Variants in SCIN observed in about 807,000 individuals in gnomAD.
SCIN encodes the protein adseverin.
In SCIN, 91 loss-of-function variants were observed where a neutral mutation model predicts 91.8. The observed-to-expected ratio is 0.99, with a 90% CI of 0.84 to 1.18. SCIN has a LOEUF of 1.18. SCIN is among the 50% of genes most tolerant of loss of function. The pLI is 0.00. For synonymous variants in SCIN, 367 were observed against 312.6 expected (o/e 1.17, Z -1.84); for missense variants, 1,087 against 863.9 (o/e 1.26, Z -3.24).
At chr7:12,616,005 A>G (rs1583301249) in intron 4 of SCIN, among the ~76,000 whole-genome samples, 2 of 152,264 alleles carry the variant, frequency 1.3e-5, no homozygotes, top group Middle Eastern at 6.8e-3. Context: ...GTATATGTAT[A>G]TGGTGATACA....
chr7:12,589,812 C>T (rs1782680416), intron 3 of SCIN, among the ~76,000 whole-genome samples: 1 of 152,060 alleles, frequency 6.6e-6, no homozygotes, highest in South Asian at 2.1e-4. Flanking sequence ...ATTCTCCTAG[C>T]TGAGAGTTAG....
chr7:12,629,427 A>G (rs1226752607), intron 9 of SCIN, among the ~76,000 whole-genome samples: 1 of 152,158 alleles, frequency 6.6e-6, no homozygotes, highest in Non-Finnish European at 1.5e-5. Flanking sequence ...CATAAAGATC[A>G]TGCTATCTAG....
chr7:12,632,079 T>TTTTCA (rs955763307), intron 9 of SCIN, among the ~76,000 whole-genome samples: 40 of 135,004 alleles, frequency 3.0e-4, no homozygotes, highest in Non-Finnish European at 5.0e-5. Context: ...ATATGATTGG[T>TTTTCA]TTTCATTTTA....
chr7:12,640,826 G>T (rs571701299), intron 11 of SCIN, among the ~76,000 whole-genome samples: 4 of 152,296 alleles, frequency 2.6e-5, no homozygotes, highest in African/African-American at 9.6e-5. Context: ...GCCTTAGGTG[G>T]ATAGATCATG....
intron 5 of SCIN, 132 bp from the exon 6 acceptor site, chr7:12,624,878 A>G (rs981142507): frequency 2.5e-6 from 2 of 792,444 alleles, no homozygotes; most frequent in East Asian, 3.0e-5. Context: ...AAATTCTTGC[A>G]TTTAAAGTGT....
rs930829838 is a variant in SCIN at position 12,628,990 on chromosome 7, A to T, written c.1198-111A>T. ...TGATTTGTAAACTAGTTAATAAATA[A>T]TTTAAAAGTTGTTTAATAATGGATT... On this transcript the variant is annotated intron_variant, in intron 8 of 15. Transcript: ENST00000297029. The T allele has an allele frequency of 1.1e-5, 10 of 917,318 alleles. No individual in the cohort carries two copies. The African/African-American group carries it at 1.5e-4, about 14-fold the overall frequency. 56.8% of individuals were successfully genotyped at this position (917,318 alleles called of 1,614,324 possible). A position where few individuals can be genotyped will look rare whatever the true frequency, so the allele number is the denominator to read the frequency against.
At chr7:12,580,912 T>G (rs2115211031) in intron 2 of SCIN, 148 bp from the exon 3 acceptor site, 1 of 655,672 alleles carries the variant, frequency 1.5e-6, no homozygotes. Context: ...TCTCTTGTTT[T>G]ATGGAATAGG....
Position 12,629,160 on chromosome 7 carries a change from C to A in SCIN, c.1257C>A (p.Phe419Leu), listed in dbSNP as rs1223446758. The A allele has an allele frequency of 3.1e-6, 5 of 1,613,190 alleles. No individual in the cohort carries two copies. Among genetic ancestry groups the A allele is most frequent in the Admixed American group, 1.7e-5 (1 of 59,980 alleles). Residue 419 changes from phenylalanine to leucine, a missense_variant, in exon 9 of 16, where the codon TTC becomes TTA. By Grantham distance (22) the Phe-to-Leu change is conservative (BLOSUM62 0). Coordinates refer to ENST00000297029, the MANE Select transcript of SCIN (RefSeq NM_001112706.3). Reference sequence around the variant, plus strand: ...TTGACCAAAACTCATATGGTGAATTCTATGGTGGTGACTGCTACATCATAC... The same window carrying A: ...TTGACCAAAACTCATATGGTGAATTATATGGTGGTGACTGCTACATCATAC... ...IQVDQNSYGE[F>L]YGGDCYIILY...
chr7:12,644,769 A>G, intron 13 of SCIN, 64 bp downstream of exon 13: 1 of 1,504,374 alleles, frequency 6.6e-7, no homozygotes, highest in South Asian at 1.2e-5. Flanking sequence ...TAATCCCAGC[A>G]CTTTGGGAGG....
chr7:12,593,780 T>A (rs1450270639), intron 3 of SCIN, among the ~76,000 whole-genome samples: 1 of 152,148 alleles, frequency 6.6e-6, no homozygotes, highest in African/African-American at 2.4e-5. Flanking sequence ...CCAGGAAGGC[T>A]CTTCCCAGGG....
chr7:12,626,609 A>G lies in SCIN; in HGVS notation c.1007A>G (p.Glu336Gly), dbSNP rs756371150. The G allele has an allele frequency of 1.2e-5, 18 of 1,550,854 alleles. No homozygotes were observed. The highest frequency in any genetic ancestry group is 9.5e-5 in the South Asian group (8 of 83,964). ...TQIQVLPEGG[E>G]TPIFKQFFKD... ...ATTCAAGTTCTTCCAGAAGGAGGTG[A>G]AACACCAATCTTCAAACAGTTTTTT... The change falls in exon 8 of 16, where the codon GAA becomes GGA. Residue 336 changes from glutamate to glycine, a missense_variant. By Grantham distance (98) the Glu-to-Gly change is moderately conservative (BLOSUM62 -2). Transcript: ENST00000297029.
chr7:12,649,245 A>G (rs974385033), intron 13 of SCIN, among the ~76,000 whole-genome samples: 1 of 152,198 alleles, frequency 6.6e-6, no homozygotes, highest in African/African-American at 2.4e-5. Context: ...CACAAATGCA[A>G]TGTTTATATT....
At position 12,603,933 on chromosome 7, in the gene SCIN, T is replaced by C. The variant is rs144401081; in HGVS notation, c.517-581T>C. ...GGTTTTTTTCTCCTTTTATGAATAATTTATTAAAGTAAATGCCAGATAGTG... is the reference window on the plus strand; with the variant it reads ...GGTTTTTTTCTCCTTTTATGAATAACTTATTAAAGTAAATGCCAGATAGTG... On this transcript the variant is annotated intron_variant, in intron 3 of 15. Transcript: ENST00000297029. 1.2e-3 allele frequency among the ~76,000 whole-genome samples: 186 copies of C among 152,208 alleles called. 3 individuals are homozygous for C. The highest frequency in any genetic ancestry group is 4.2e-3 in the African/African-American group (175 of 41,532).
rs762752744 is a variant in SCIN at position 12,626,534 on chromosome 7, C to T, written c.982-50C>T. 3.7e-6 allele frequency: 5 copies of T among 1,339,920 alleles called. No individual in the cohort carries two copies. The South Asian group carries it at 7.0e-5, about 19-fold the overall frequency. The allele number at this position is 1,339,920 out of a possible 1,614,324, so 83.0% of individuals were successfully genotyped here. A position where few individuals can be genotyped will look rare whatever the true frequency, so the allele number is the denominator to read the frequency against. On this transcript the variant is annotated intron_variant, in intron 7 of 15. Coordinates refer to ENST00000297029, the MANE Select transcript of SCIN (RefSeq NM_001112706.3). The stretch of plus-strand genomic sequence containing the variant: ...TCTCCACTGCCAGATTCATATTTTC[C>T]CTTAATTTCTTATTTTCCTGTTTAC...
In SCIN at chr7:12,646,017, C is replaced by A. The variant is rs557253838; in HGVS notation, c.1881+1312C>A. On this transcript the variant is annotated intron_variant, in intron 13 of 15. Coordinates refer to ENST00000297029, the MANE Select transcript of SCIN (RefSeq NM_001112706.3). ...TTTCCCAGCGGAGTAAAAATTTTCA[C>A]CATATTGACTGAATTAAAAATATTA... Among the ~76,000 whole-genome samples the A allele has an allele frequency of 2.6e-5, 4 of 152,184 alleles. No homozygotes were observed. The East Asian group carries it at 5.8e-4, about 22-fold the overall frequency.
chr7:12,618,757 C>T (rs1783348331), intron 4 of SCIN, among the ~76,000 whole-genome samples: 1 of 152,110 alleles, frequency 6.6e-6, no homozygotes, highest in Non-Finnish European at 1.5e-5. Context: ...CCCTATGTTA[C>T]ACTCTACTGA....
chr7:12,575,307 C>A lies in SCIN; in HGVS notation c.200-2757C>A, dbSNP rs79317914. The stretch of plus-strand genomic sequence containing the variant: ...CAATATTGTTGTCTCTAAATAGAGA[C>A]CTTTTTATTTCTTCATATTCAATTT... On this transcript the variant is annotated intron_variant, in intron 1 of 15. Coordinates refer to ENST00000297029, the MANE Select transcript of SCIN (RefSeq NM_001112706.3). Among the ~76,000 whole-genome samples the A allele has an allele frequency of 2.1e-3, 308 of 150,204 alleles. 1 individual carries two copies. In the East Asian group the frequency reaches 0.022, roughly 11 times the overall value.
chr7:12,650,096 G>A (rs977734315), intron 14 of SCIN, among the ~76,000 whole-genome samples: 9 of 152,172 alleles, frequency 5.9e-5, no homozygotes, highest in African/African-American at 1.9e-4. Context: ...CGGTGAAAGA[G>A]AAAAGTAAAT....
chr7:12,627,394 T>G (rs1783549159), intron 8 of SCIN, among the ~76,000 whole-genome samples: 1 of 152,152 alleles, frequency 6.6e-6, no homozygotes, highest in African/African-American at 2.4e-5. Context: ...CCCTCAGCGC[T>G]GAAGTGGCCT....
Sources: gnomAD v4.1 joint callset for allele counts (sites outside exome capture counted in the v4.1 genomes callset) on GRCh38, gnomAD v4.1.1 for gene constraint, MANE v1.5 for transcripts, NCBI Gene and HGNC (gene_info 2026-07-23, HGNC 2026-07-21) for gene names.